The following UNC5A variants were observed in gnomAD, a reference collection of about 807,000 sequenced individuals.
UNC5A encodes the protein unc-5 netrin receptor A, also known as netrin receptor UNC5A.
Under a neutral mutation model 87.4 loss-of-function variants are expected in UNC5A, and 20 were observed. That is an observed-to-expected ratio of 0.23 (90% CI 0.16 to 0.33). The LOEUF (loss-of-function observed/expected upper bound fraction) is 0.33, where lower values mean the gene tolerates loss of function less well. UNC5A is among the 10% of genes least tolerant of loss of function. The pLI is 1.00. For synonymous variants in UNC5A, 438 were observed against 482.3 expected (o/e 0.91, Z 1.20); for missense variants, 844 against 1,133.4 (o/e 0.74, Z 3.67).
At chr5:176,845,294 C>T (rs188292260) in intron 1 of UNC5A, among the ~76,000 whole-genome samples, 3 of 152,234 alleles carry the variant, frequency 2.0e-5, no homozygotes, top group African/African-American at 4.8e-5. Flanking sequence ...AGTCTTCTGC[C>T]GCCCCTGCTT....
At chr5:176,864,133 G>A (rs1395648012) in intron 2 of UNC5A, among the ~76,000 whole-genome samples, 1 of 152,008 alleles carries the variant, frequency 6.6e-6, no homozygotes, top group African/African-American at 2.4e-5. Flanking sequence ...GCAGGCCGGG[G>A]ACCTTGGGCC....
At chr5:176,823,739 C>T (rs961286038) in intron 1 of UNC5A, among the ~76,000 whole-genome samples, 32 of 151,708 alleles carry the variant, frequency 2.1e-4, no homozygotes, top group African/African-American at 7.5e-4. Context: ...CGGTGAGTCT[C>T]GGTGGGAAAA....
chr5:176,872,311 T>TCG (rs561607486), intron 6 of UNC5A, among the ~76,000 whole-genome samples: 1 of 13,888 alleles, frequency 7.2e-5, no homozygotes, highest in Non-Finnish European at 1.9e-4. Flanking sequence ...CTGCCCACAC[T>TCG]CACCAACACC....
At chr5:176,830,915 C>T (rs1258546559) in intron 1 of UNC5A, among the ~76,000 whole-genome samples, 4 of 119,306 alleles carry the variant, frequency 3.4e-5, no homozygotes, top group East Asian at 2.8e-4. Context: ...TATGTGCCGG[C>T]GTGTGTGTGG....
chr5:176,856,052 C>G (rs144562035), intron 1 of UNC5A, among the ~76,000 whole-genome samples: 3,582 of 152,338 alleles, frequency 0.024, 129 homozygotes, highest in African/African-American at 0.082. Context: ...ACCCACCTCT[C>G]CCAGCTGAGT....
rs1334111933 is a variant in UNC5A at position 176,844,246 on chromosome 5, G to A, written c.71-18378G>A. Among the ~76,000 whole-genome samples, 1 of 152,178 alleles carries A rather than the reference G, an allele frequency of 6.6e-6. No individual in the cohort carries two copies. Among genetic ancestry groups the A allele is most frequent in the African/African-American group, 2.4e-5 (1 of 41,444 alleles). ...GCCTGATCCTCAGGACAGAGCTGGA[G>A]AGAACACTTGGTCCTGGTATCCCGT... is the stretch of plus-strand genomic sequence containing the variant. On this transcript the variant is annotated intron_variant, in intron 1 of 14. Coordinates refer to ENST00000329542, the MANE Select transcript of UNC5A (RefSeq NM_133369.3). This position sits in a 1 kb window ranked among gnomAD's most constrained non-coding sequence, Gnocchi z 4.2.
rs187702561 is a variant in UNC5A, at chr5:176,840,002, G to A, written c.71-22622G>A. On this transcript the variant is annotated intron_variant, in intron 1 of 14. Transcript: ENST00000329542. ...CCTGAGTAGCTGGGACTACAGGTGC[G>A]CACGCCACCACGCCCTGCTAATTTT... is the stretch of plus-strand genomic sequence containing the variant. Among the ~76,000 whole-genome samples the A allele has an allele frequency of 9.1e-4, 138 of 151,740 alleles. 1 individual carries two copies. The highest frequency in any genetic ancestry group is 1.4e-3 in the Admixed American group (21 of 15,240).
In UNC5A at chr5:176,878,408, C is replaced by T. The variant is rs369348979; in HGVS notation, c.2019+15C>T. ...TCAGCTACCAGGTGAGGGCCAGGGC[C>T]GTGGCCAGCGCACAAGAGGCCTGGA... is the stretch of plus-strand genomic sequence containing the variant. On this transcript the variant is annotated intron_variant, in intron 12 of 14. Transcript: ENST00000329542. 6 of 1,613,040 alleles carry T rather than the reference C, an allele frequency of 3.7e-6. No homozygotes were observed. Among genetic ancestry groups the T allele is most frequent in the East Asian group, 2.2e-5 (1 of 44,904 alleles).
intron 1 of UNC5A, among the ~76,000 whole-genome samples, chr5:176,849,605 C>G (rs776736435): frequency 3.9e-5 from 6 of 152,218 alleles, no homozygotes; most frequent in Non-Finnish European, 7.3e-5. Context: ...CACCTCTCAT[C>G]TGGCCTGCCC....
At chr5:176,846,696 G>A (rs890928578) in intron 1 of UNC5A, among the ~76,000 whole-genome samples, 1 of 152,154 alleles carries the variant, frequency 6.6e-6, no homozygotes, top group Non-Finnish European at 1.5e-5. Flanking sequence ...CTAGAGAGGG[G>A]CCAGGCCTGG....
intron 1 of UNC5A, among the ~76,000 whole-genome samples, chr5:176,819,130 G>A (rs1241617276): frequency 6.6e-6 from 1 of 152,168 alleles, no homozygotes; most frequent in African/African-American, 2.4e-5. Flanking sequence ...GGCCACACCT[G>A]CCCCTTTCCT....
chr5:176,829,155 AAGATGGAT>A (rs1756926621), intron 1 of UNC5A, among the ~76,000 whole-genome samples: 1 of 123,598 alleles, frequency 8.1e-6, no homozygotes, highest in South Asian at 3.0e-4. Context: ...AAAAGAAAGA[AAGATGGAT>A]GGATGGATGG....
At chr5:176,857,900 A>C (rs1000143) in intron 1 of UNC5A, among the ~76,000 whole-genome samples, 3 of 152,148 alleles carry the variant, frequency 2.0e-5, no homozygotes, top group Non-Finnish European at 2.9e-5. Flanking sequence ...GTGACATGGC[A>C]GAAGGAGCCT....
At chr5:176,826,360 G>T (rs1285020180) in intron 1 of UNC5A, among the ~76,000 whole-genome samples, 1 of 152,214 alleles carries the variant, frequency 6.6e-6, no homozygotes, top group African/African-American at 2.4e-5. Flanking sequence ...CCATGGGAGG[G>T]CGCAGGGAGC....
intron 2 of UNC5A, among the ~76,000 whole-genome samples, chr5:176,863,777 C>T (rs1318607797): frequency 2.3e-5 from 2 of 85,630 alleles, no homozygotes; most frequent in Non-Finnish European, 5.1e-5. Flanking sequence ...CCCTCCCCTC[C>T]TCCTTCTTTA....
chr5:176,843,588 A>G (rs1018342580), intron 1 of UNC5A, among the ~76,000 whole-genome samples: 2 of 152,252 alleles, frequency 1.3e-5, no homozygotes, highest in Non-Finnish European at 2.9e-5. Context: ...ATGCTTTAAG[A>G]AAAACCCAGA....
In UNC5A at chr5:176,879,801, G is replaced by A; in HGVS notation, c.2444G>A (p.Gly815Asp). The change falls in exon 15 of 15, where the codon GGC (glycine) becomes GAC (aspartate). Residue 815 changes from glycine to aspartate, a missense_variant. By Grantham distance (94) the Gly-to-Asp change is moderately conservative (BLOSUM62 -1). Coordinates refer to ENST00000329542, the MANE Select transcript of UNC5A (RefSeq NM_133369.3). ...NLWEARHFPN[G>D]NLSQLAAAVA... ...TGGGAGGCGCGGCACTTCCCCAACG[G>A]CAACCTCAGCCAGCTGGCTGCAGCA... is the stretch of plus-strand genomic sequence containing the variant. 6.2e-7 allele frequency: 1 copy of A among 1,613,250 alleles called. No homozygotes were observed. The highest frequency in any genetic ancestry group is 8.5e-7 in the Non-Finnish European group (1 of 1,179,892).
chr5:176,836,224 T>C (rs1757146021), intron 1 of UNC5A, among the ~76,000 whole-genome samples: 1 of 152,194 alleles, frequency 6.6e-6, no homozygotes, highest in South Asian at 2.1e-4. Context: ...AACAGCAGGC[T>C]GGACATGATG....
intron 2 of UNC5A, among the ~76,000 whole-genome samples, chr5:176,863,798 CCCTCCTTCCCCTCCTCCCCCTCCT>C (rs1413453923): frequency 5.7e-5 from 1 of 17,614 alleles, no homozygotes; most frequent in African/African-American, 1.7e-4. Context: ...CCCCCTTCTT[CCCTCCTTCCCCTCCTCCCCCTCCT>C]CCTCCTCCCC....
Sources: allele counts gnomAD v4.1 joint callset (sites outside exome capture counted in the v4.1 genomes callset), GRCh38; gene constraint gnomAD v4.1.1; non-coding constraint Gnocchi (gnomAD v3.1); transcripts MANE v1.5; gene names NCBI Gene and HGNC (gene_info 2026-07-23, HGNC 2026-07-21).